The following GPC5 variants were observed in gnomAD, a reference collection of about 807,000 sequenced individuals.
The protein encoded by GPC5 is glypican-5.
In GPC5, 47 loss-of-function variants were observed where a neutral mutation model predicts 53.9. The ratio of observed to expected loss-of-function variants is 0.87; its 90% CI spans 0.69 to 1.11. The LOEUF (loss-of-function observed/expected upper bound fraction) is 1.11. Ranked by LOEUF, GPC5 falls within the 50% of genes most tolerant of loss-of-function variation. GPC5 has a pLI of 0.00. For missense variants in GPC5, 748 were observed against 713.1 expected (o/e 1.05, Z -0.56); for synonymous variants, 286 against 263.3 (o/e 1.09, Z -0.84).
intron 6 of GPC5, among the ~76,000 whole-genome samples, chr13:92,048,742 G>A (rs2041003536): frequency 6.6e-6 from 1 of 152,116 alleles, no homozygotes; most frequent in Non-Finnish European, 1.5e-5. Context: ...ATTTTTAAAT[G>A]TGTTTTATCA....
In GPC5 at chr13:91,549,006, C is replaced by T. The variant is rs548788183; in HGVS notation, c.325+100084C>T. ...CAAAAACTGGCTGGGTGCAGTGACT[C>T]ATGCCTATAATCCCAGCACTTTGGG... On this transcript the variant is annotated intron_variant, in intron 2 of 7. Coordinates refer to ENST00000377067, the MANE Select transcript of GPC5 (RefSeq NM_004466.6). Among the ~76,000 whole-genome samples, 6 of 152,276 alleles carry T rather than the reference C, an allele frequency of 3.9e-5. No homozygotes were observed. The East Asian group carries it at 5.8e-4, about 15-fold the overall frequency.
chr13:92,291,378 G>C (rs925118436), intron 7 of GPC5, among the ~76,000 whole-genome samples: 17 of 152,164 alleles, frequency 1.1e-4, no homozygotes, highest in Non-Finnish European at 2.4e-4. Flanking sequence ...TCGGCACTCT[G>C]TATCTAGCTC....
At chr13:92,020,276 C>T (rs1437882568) in intron 6 of GPC5, among the ~76,000 whole-genome samples, 3 of 152,080 alleles carry the variant, frequency 2.0e-5, no homozygotes, top group East Asian at 1.9e-4. Flanking sequence ...CCATCTGCAA[C>T]TTTTATCCTT....
At chr13:92,668,781 TA>T in intron 7 of GPC5, among the ~76,000 whole-genome samples, 1 of 152,124 alleles carries the variant, frequency 6.6e-6, no homozygotes, top group South Asian at 2.1e-4. Flanking sequence ...TAATAATGAT[TA>T]CATAAACTTT....
At chr13:91,880,606 A>G (rs577454685) in intron 5 of GPC5, among the ~76,000 whole-genome samples, 1 of 152,250 alleles carries the variant, frequency 6.6e-6, no homozygotes, top group South Asian at 2.1e-4. Flanking sequence ...CTCGTCAGAC[A>G]TTTTTTGGGA....
chr13:92,125,916 GTTTTTTGGTTTTTTTTTTTTTTTTTTTTT>G (rs2041690916), intron 6 of GPC5, among the ~76,000 whole-genome samples: 1 of 31,296 alleles, frequency 3.2e-5, no homozygotes, highest in African/African-American at 7.9e-5. Flanking sequence ...GGAAACATTT[GTTTTTTGGTTTTTTTTTTTTTTTTTTTTT>G]TTTTTTTTTT....
chr13:92,706,158 A>G (rs1169431776), intron 7 of GPC5: 1 of 152,040 alleles, frequency 6.6e-6, no homozygotes, highest in African/African-American at 2.4e-5. Context: ...AAATGAACAG[A>G]AAAAAATTCC....
chr13:92,135,843 A>G (rs567556602), intron 6 of GPC5, among the ~76,000 whole-genome samples: 1 of 151,776 alleles, frequency 6.6e-6, no homozygotes, highest in African/African-American at 2.4e-5. Flanking sequence ...TCAACTTAAC[A>G]TAACATGACA....
intron 7 of GPC5, among the ~76,000 whole-genome samples, chr13:92,414,163 T>C (rs1876176373): frequency 6.6e-6 from 1 of 152,196 alleles, no homozygotes; most frequent in Non-Finnish European, 1.5e-5. Flanking sequence ...TAAGCTTACA[T>C]TTTATTGCAG....
At chr13:92,007,295 TA>T (rs1409685030) in intron 6 of GPC5, among the ~76,000 whole-genome samples, 2 of 152,232 alleles carry the variant, frequency 1.3e-5, no homozygotes, top group Non-Finnish European at 2.9e-5. Flanking sequence ...TTGCCTCTAC[TA>T]ATCATAACAG....
Position 92,191,649 on chromosome 13 carries a change from G to A in GPC5, c.1561+46660G>A, listed in dbSNP as rs111256615. Among the ~76,000 whole-genome samples the A allele has an allele frequency of 1.5e-4, 23 of 152,148 alleles. 1 individual carries two copies. Among genetic ancestry groups the A allele is most frequent in the African/African-American group, 4.8e-4 (20 of 41,512 alleles). On this transcript the variant is annotated intron_variant, in intron 7 of 7. Transcript: ENST00000377067. ...TTTTGTAAGTGAATGAATTAACTGCGGTATATCTAGACAATGGAATATAAT... is the reference window on the plus strand; with the variant it reads ...TTTTGTAAGTGAATGAATTAACTGCAGTATATCTAGACAATGGAATATAAT...
chr13:92,400,923 CT>C (rs35543579), intron 7 of GPC5, among the ~76,000 whole-genome samples: 79,657 of 150,044 alleles, frequency 0.53, 21,150 homozygotes, highest in East Asian at 0.72. Flanking sequence ...TGGGATGGGT[CT>C]TTTTTTTTTG....
intron 7 of GPC5, among the ~76,000 whole-genome samples, chr13:92,544,582 T>C (rs377089079): frequency 6.6e-6 from 1 of 152,184 alleles, no homozygotes. Flanking sequence ...TTTGATTGTT[T>C]GTTTGTTTTC....
intron 7 of GPC5, among the ~76,000 whole-genome samples, chr13:92,605,501 T>C (rs1566315736): frequency 6.6e-6 from 1 of 152,204 alleles, no homozygotes; most frequent in Non-Finnish European, 1.5e-5. Context: ...ATTAGAATTC[T>C]GTCTGTAGTT....
chr13:91,759,607 A>T (rs1474528752), intron 5 of GPC5, among the ~76,000 whole-genome samples: 1 of 152,068 alleles, frequency 6.6e-6, no homozygotes, highest in East Asian at 1.9e-4. Flanking sequence ...GCTCCCACAA[A>T]TGATTGAGAA....
At position 92,489,645 on chromosome 13, in the gene GPC5, C is replaced by T. The variant is rs1282744494; in HGVS notation, c.1561+344656C>T. Among the ~76,000 whole-genome samples the T allele has an allele frequency of 6.6e-5, 10 of 152,168 alleles. 1 individual carries two copies. The highest frequency in any genetic ancestry group is 1.9e-4 in the African/African-American group (8 of 41,512). ...CACCTAGAGTTTGCCATTAAGCTTG[C>T]CATTACTACTTTCAGAAGAACTCAG... On this transcript the variant is annotated intron_variant, in intron 7 of 7. Transcript: ENST00000377067.
chr13:91,506,250 C>A (rs940875861), intron 2 of GPC5, among the ~76,000 whole-genome samples: 3 of 151,896 alleles, frequency 2.0e-5, no homozygotes, highest in African/African-American at 7.3e-5. Flanking sequence ...TTTACTAGAG[C>A]ATAATAAATA....
At chr13:91,836,732 T>C (rs1354060442) in intron 5 of GPC5, among the ~76,000 whole-genome samples, 1 of 151,958 alleles carries the variant, frequency 6.6e-6, no homozygotes, top group African/African-American at 2.4e-5. Context: ...TACACTCACA[T>C]CCTTCCAAAT....
intron 6 of GPC5, among the ~76,000 whole-genome samples, chr13:91,927,957 T>C (rs1044076762): frequency 6.6e-6 from 1 of 152,172 alleles, no homozygotes; most frequent in Non-Finnish European, 1.5e-5. Context: ...ATTCTTGAGG[T>C]ATCTAAAATA....
Sources: gnomAD v4.1 joint callset for allele counts (sites outside exome capture counted in the v4.1 genomes callset) on GRCh38, gnomAD v4.1.1 for gene constraint, MANE v1.5 for transcripts, NCBI Gene and HGNC (gene_info 2026-07-23, HGNC 2026-07-21) for gene names.